HPSE2: variants seen among roughly 807,000 people sequenced by gnomAD.
HPSE2 encodes the protein heparanase 2 (inactive).
HPSE2 carries 38 observed loss-of-function variants against 60.5 expected under a neutral mutation model. The ratio of observed to expected loss-of-function variants is 0.63; its 90% confidence interval spans 0.48 to 0.82. The LOEUF (loss-of-function observed/expected upper bound fraction) is 0.82, where lower values mean the gene tolerates loss of function less well. HPSE2 is among the 40% of genes least tolerant of loss of function. HPSE2 has a pLI of 0.00. For synonymous variants in HPSE2, 295 were observed against 293.2 expected, an observed-to-expected ratio of 1.01 and a Z score of -0.06; for missense variants, 713 against 740.4, an observed-to-expected ratio of 0.96 and a Z score of 0.43.
At chr10:98,585,555 C>G (rs145761798) in intron 9 of HPSE2, among the ~76,000 whole-genome samples, 8,365 of 151,288 alleles carry the variant, frequency 0.055, 280 homozygotes, top group Middle Eastern at 0.13. Context: ...CAGGCATGAG[C>G]CACCAAGCCC....
At chr10:99,253,205 G>A in the HPSE2 span, among the ~76,000 whole-genome samples, 1 of 152,112 alleles carries the variant, frequency 6.6e-6, no homozygotes, top group Non-Finnish European at 1.5e-5. Context: ...CAAAGCCAGT[G>A]GTATCACATT....
intron 5 of HPSE2, among the ~76,000 whole-genome samples, chr10:98,696,254 G>A (rs1026740862): frequency 4.8e-5 from 6 of 125,408 alleles, no homozygotes; most frequent in Non-Finnish European, 6.5e-5. Context: ...ACAGGGCCAA[G>A]ATAGCCAACT....
chr10:99,042,998 G>A (rs1226919414), intron 3 of HPSE2, among the ~76,000 whole-genome samples: 1 of 152,100 alleles, frequency 6.6e-6, no homozygotes, highest in East Asian at 1.9e-4. Context: ...GCCACAAACA[G>A]ACCCCACACA....
intron 11 of HPSE2, among the ~76,000 whole-genome samples, chr10:98,463,512 G>A (rs111754113): frequency 0.025 from 3,829 of 152,220 alleles, 83 homozygotes; most frequent in Middle Eastern, 0.044. Context: ...TAATTCAAAA[G>A]TATAGTAGGC....
chr10:99,275,703 T>G, the HPSE2 span, among the ~76,000 whole-genome samples: 1 of 152,146 alleles, frequency 6.6e-6, no homozygotes, highest in Middle Eastern at 3.2e-3. Context: ...CCTCCCTCTT[T>G]CCAACAGTAA....
At chr10:98,852,946 C>T (rs1267590124) in intron 3 of HPSE2, among the ~76,000 whole-genome samples, 1 of 152,310 alleles carries the variant, frequency 6.6e-6, no homozygotes, top group East Asian at 1.9e-4. Context: ...ATATAACCTA[C>T]ACTGGATCAT....
At chr10:99,019,613 A>G (rs1321313226) in intron 3 of HPSE2, among the ~76,000 whole-genome samples, 2 of 152,178 alleles carry the variant, frequency 1.3e-5, no homozygotes, top group Non-Finnish European at 2.9e-5. Flanking sequence ...ATTTTCCTCA[A>G]AAGTTCATTC....
chr10:98,907,772 T>C (rs1202004779), intron 3 of HPSE2, among the ~76,000 whole-genome samples: 1 of 152,176 alleles, frequency 6.6e-6, no homozygotes, highest in Non-Finnish European at 1.5e-5. Flanking sequence ...TACTCCTGCT[T>C]TCCAGGGTTG....
chr10:98,782,762 G>A (rs1406019357), intron 3 of HPSE2, among the ~76,000 whole-genome samples: 2 of 101,018 alleles, frequency 2.0e-5, no homozygotes, highest in East Asian at 2.6e-4. Flanking sequence ...GGGTATGTAG[G>A]ACCCTGGGAA....
chr10:99,182,130 G>C (rs114805321), intron 2 of HPSE2, among the ~76,000 whole-genome samples: 282 of 152,308 alleles, frequency 1.9e-3, no homozygotes, highest in African/African-American at 6.2e-3. Flanking sequence ...GTGGTATTTT[G>C]TTATGGTAGC....
chr10:98,660,369 G>C (rs1338475325), intron 6 of HPSE2, among the ~76,000 whole-genome samples: 3 of 152,142 alleles, frequency 2.0e-5, no homozygotes, highest in Non-Finnish European at 4.4e-5. Flanking sequence ...GATCATAAAG[G>C]TCTTCTCACT....
the HPSE2 span, among the ~76,000 whole-genome samples, chr10:99,290,014 G>A: frequency 1.3e-5 from 2 of 152,130 alleles, no homozygotes; most frequent in African/African-American, 4.8e-5. Flanking sequence ...TCTGACAGAA[G>A]ACTCAGAGGT....
chr10:98,672,052 A>G lies in HPSE2; in HGVS notation c.1004+21848T>C, dbSNP rs554506935. ...TTAAAGCACTGGAAAAACTATACTA[A>G]TTACATACAATGTACATGAATAAAA... On this transcript the variant is annotated intron_variant, in intron 6 of 11. Transcript: ENST00000370552. Among the ~76,000 whole-genome samples, 7 of 152,310 alleles carry G rather than the reference A, an allele frequency of 4.6e-5. No homozygotes were observed. The East Asian group carries it at 1.4e-3, about 29-fold the overall frequency.
At chr10:98,599,865 A>G (rs1342648206) in intron 9 of HPSE2, among the ~76,000 whole-genome samples, 1 of 152,180 alleles carries the variant, frequency 6.6e-6, no homozygotes, top group African/African-American at 2.4e-5. Context: ...GGAAAGTCCT[A>G]TTCTGCCATC....
In HPSE2 at chr10:99,096,916, G is replaced by T. The variant is rs188849641; in HGVS notation, c.610+47322C>A. Among the ~76,000 whole-genome samples the T allele has an allele frequency of 5.3e-5, 8 of 152,292 alleles. 1 individual carries two copies. The East Asian group carries it at 1.5e-3, about 29-fold the overall frequency. Reference sequence around the variant, plus strand: ...TCCACACTGCATGGCAGAGACTTGAGACAAATGCAGCATTGGTGGGAGCCA... The same window carrying T: ...TCCACACTGCATGGCAGAGACTTGATACAAATGCAGCATTGGTGGGAGCCA... On this transcript the variant is annotated intron_variant, in intron 3 of 11. Transcript: ENST00000370552.
intron 3 of HPSE2, among the ~76,000 whole-genome samples, chr10:99,100,339 A>G (rs578091800): frequency 5.9e-5 from 9 of 152,232 alleles, no homozygotes; most frequent in Non-Finnish European, 1.2e-4. Flanking sequence ...GAACTACATG[A>G]CAAATACATA....
At chr10:99,151,170 A>G (rs746033202) in intron 2 of HPSE2, among the ~76,000 whole-genome samples, 69 of 152,230 alleles carry the variant, frequency 4.5e-4, no homozygotes, top group South Asian at 6.2e-4. Context: ...AAAGATCAGC[A>G]AGAGGGGAAT....
At chr10:98,928,094 C>T (rs1202555718) in intron 3 of HPSE2, among the ~76,000 whole-genome samples, 1 of 148,422 alleles carries the variant, frequency 6.7e-6, no homozygotes, top group Non-Finnish European at 1.5e-5. Context: ...ACTCATCTGA[C>T]AAAGGGCTAA....
intron 9 of HPSE2, among the ~76,000 whole-genome samples, chr10:98,547,386 C>T (rs892904552): frequency 6.6e-6 from 1 of 150,518 alleles, no homozygotes; most frequent in Non-Finnish European, 1.5e-5. Flanking sequence ...TTCACAATAG[C>T]AAAGACTTGG....
Sources: gnomAD v4.1 joint callset for allele counts (sites outside exome capture counted in the v4.1 genomes callset) on GRCh38, gnomAD v4.1.1 for gene constraint, MANE v1.5 for transcripts, NCBI Gene and HGNC (gene_info 2026-07-23, HGNC 2026-07-21) for gene names.